The following SYTL2 variants were observed in gnomAD, a reference collection of about 807,000 sequenced individuals.
SYTL2 encodes the protein synaptotagmin-like protein 2.
In SYTL2, 165 loss-of-function variants were observed where a neutral mutation model predicts 198.7. The ratio of observed to expected loss-of-function variants is 0.83; its 90% CI spans 0.73 to 0.94. SYTL2 has a LOEUF of 0.94. Ranked by LOEUF, SYTL2 falls within the 40% of genes least tolerant of loss-of-function variation. The probability of loss-of-function intolerance (pLI) is 0.00; values close to 1 mark genes in which losing one functional copy is unlikely to be tolerated. For missense variants in SYTL2, 2,835 were observed against 2,582.8 expected, an observed-to-expected ratio of 1.10 and a Z score of -2.12; for synonymous variants, 966 against 917.7, an observed-to-expected ratio of 1.05 and a Z score of -0.95.
intron 2 of SYTL2, among the ~76,000 whole-genome samples, chr11:85,749,607 C>T (rs1009577751): frequency 7.2e-5 from 11 of 152,200 alleles, no homozygotes; most frequent in Non-Finnish European, 5.9e-5. Context: ...CTTACAGGAA[C>T]TTCCTCTCTT....
the SYTL2 span, among the ~76,000 whole-genome samples, chr11:85,832,288 A>G: frequency 6.6e-6 from 1 of 152,244 alleles, no homozygotes; most frequent in Non-Finnish European, 1.5e-5. Flanking sequence ...TATTTTATAA[A>G]TGAACAAGAC....
Position 85,788,648 on chromosome 11 carries a change from T to C in SYTL2, c.-390+22306A>G, listed in dbSNP as rs148522306. Among the ~76,000 whole-genome samples, 1,089 of 152,216 alleles carry C rather than the reference T, an allele frequency of 7.2e-3. 42 individuals are homozygous for C. The highest frequency in any genetic ancestry group is 0.064 in the Admixed American group (972 of 15,284). ...TTCTAAGGCATCCATTACATCATAG[T>C]AAAATAGCTAACATTCCTTTTCCCT... On this transcript the variant is annotated intron_variant, in intron 1 of 19. Transcript: ENST00000359152.
the SYTL2 span, among the ~76,000 whole-genome samples, chr11:85,816,463 T>A: frequency 6.6e-6 from 1 of 152,192 alleles, no homozygotes. Flanking sequence ...AGAATAGTTG[T>A]TACCAGGGGC....
intron 7 of SYTL2, among the ~76,000 whole-genome samples, chr11:85,728,690 C>T (rs756464430): frequency 5.3e-5 from 8 of 152,170 alleles, no homozygotes; most frequent in Admixed American, 2.0e-4. Flanking sequence ...CACCCATCCC[C>T]TGGCACATAT....
At chr11:85,713,883 T>C (rs958072826) in intron 12 of SYTL2, among the ~76,000 whole-genome samples, 2 of 152,172 alleles carry the variant, frequency 1.3e-5, no homozygotes, top group Admixed American at 1.3e-4. Context: ...TGAGTGAGGT[T>C]AATCTCCCTT....
upstream of SYTL2, among the ~76,000 whole-genome samples, chr11:85,812,864 G>C (rs150414030): frequency 4.6e-5 from 7 of 152,290 alleles, no homozygotes; most frequent in African/African-American, 1.4e-4. Flanking sequence ...ATGATTTTAG[G>C]CAGGGGAGTA....
the SYTL2 span, among the ~76,000 whole-genome samples, chr11:85,831,665 T>C: frequency 3.9e-5 from 6 of 152,336 alleles, no homozygotes; most frequent in East Asian, 3.9e-4. Context: ...GTTGTGGTGA[T>C]AGTATTGTAG....
At chr11:85,849,511 C>T in the SYTL2 span, among the ~76,000 whole-genome samples, 2 of 152,356 alleles carry the variant, frequency 1.3e-5, no homozygotes, top group East Asian at 1.9e-4. Context: ...CTACATACGG[C>T]TAGCCAGTTT....
At chr11:85,750,966 A>T (rs2091475780) in intron 2 of SYTL2, among the ~76,000 whole-genome samples, 1 of 152,182 alleles carries the variant, frequency 6.6e-6, no homozygotes, top group Non-Finnish European at 1.5e-5. Context: ...ACTAAAATGC[A>T]CTTTGTGGGG....
At chr11:85,710,907 A>G (rs908909895) in intron 13 of SYTL2, among the ~76,000 whole-genome samples, 2 of 152,168 alleles carry the variant, frequency 1.3e-5, no homozygotes, top group African/African-American at 4.8e-5. Context: ...AAAAAACCCC[A>G]CAAAGATTTG....
intron 3 of SYTL2, among the ~76,000 whole-genome samples, chr11:85,748,031 C>T (rs1268456301): frequency 6.6e-6 from 1 of 152,276 alleles, no homozygotes; most frequent in Non-Finnish European, 1.5e-5. Context: ...ATCTATGCTA[C>T]TATAATTCAA....
chr11:85,724,604 A>C lies in SYTL2; in HGVS notation c.4754T>G (p.Val1585Gly). The C allele has an allele frequency of 1.2e-6, 2 of 1,613,308 alleles. No homozygotes were observed. Among genetic ancestry groups the C allele is most frequent in the Non-Finnish European group, 1.7e-6 (2 of 1,179,794 alleles). The change falls in exon 8 of 20, where the codon GTG becomes GGG. Residue 1585 changes from valine to glycine, a missense_variant. Val to Gly is a moderately radical substitution (Grantham distance 109). Transcript: ENST00000359152. The part of the protein sequence containing the change: ...ITEAPPYQPQ[V>G]SVREETHEKE... ...CTCGTGAGTTTCTTCTCTCACTGAC[A>C]CCTGGGGCTGATAAGGAGGAGCTTC...
At chr11:85,833,087 GAAA>G in the SYTL2 span, among the ~76,000 whole-genome samples, 33 of 49,594 alleles carry the variant, frequency 6.7e-4, 2 homozygotes, top group Non-Finnish European at 8.0e-4. Context: ...AAGAAAGAAA[GAAA>G]GAAAGAAAGA....
intron 16 of SYTL2, among the ~76,000 whole-genome samples, chr11:85,704,233 C>T (rs1383435586): frequency 6.6e-6 from 1 of 151,746 alleles, no homozygotes; most frequent in African/African-American, 2.4e-5. Flanking sequence ...GCTAATAGAG[C>T]TATATAAATA....
At position 85,725,170 on chromosome 11, in the gene SYTL2, C is replaced by A. The variant is rs759590956; in HGVS notation, c.4188G>T (p.Val1396=). 15 of 1,613,928 alleles carry A rather than the reference C, an allele frequency of 9.3e-6. No individual in the cohort carries two copies. The highest frequency in any genetic ancestry group is 1.2e-5 in the Non-Finnish European group (14 of 1,179,970). ...PAGREVGPGE[V]NPEFPEAVQP... The stretch of plus-strand genomic sequence containing the variant: ...GTACTGCTTCAGGAAATTCTGGGTT[C>A]ACTTCTCCAGGACCTACTTCCCTTC... The change falls in exon 8 of 20, where the codon GTG becomes GTT. Residue 1396 remains valine (V), a synonymous_variant. Transcript: ENST00000359152.
In SYTL2 at chr11:85,759,087, A is replaced by G. The variant is rs183394843; in HGVS notation, c.-389-973T>C. Among the ~76,000 whole-genome samples, 627 of 152,188 alleles carry G rather than the reference A, an allele frequency of 4.1e-3. 7 individuals are homozygous for G. The highest frequency in any genetic ancestry group is 0.013 in the African/African-American group (549 of 41,530). ...TGGTGAAACCCCGTCTCTACTAAAA[A>G]ATACAAAAATTAGCTGGGTGTGGTG... On this transcript the variant is annotated intron_variant, in intron 1 of 19. Transcript: ENST00000359152.
In SYTL2 at chr11:85,709,359, C is replaced by A; in HGVS notation, c.5887G>T (p.Ala1963Ser). ...FVAQCKDLAA[A>S]DVKKQRSDPY... ...TCTGAACGCTGTTTTTTTACATCCG[C>A]TGCTGCTAAGTCCTTACACTGGGCC... The change falls in exon 14 of 20, where the codon GCG (alanine) becomes TCG (serine). Residue 1963 changes from alanine to serine, a missense_variant. This residue lies in a region of SYTL2 where 2,645 missense variants were observed against 2,381.7 expected (regional missense o/e 1.11). Coordinates refer to ENST00000359152, the MANE Select transcript of SYTL2 (RefSeq NM_206927.4). The A allele has an allele frequency of 2.5e-6, 4 of 1,614,134 alleles. No homozygotes were observed. The highest frequency in any genetic ancestry group is 3.4e-6 in the Non-Finnish European group (4 of 1,180,020).
chr11:85,853,529 G>A, the SYTL2 span: 1 of 226,544 alleles, frequency 4.4e-6, no homozygotes. Flanking sequence ...ACTGCGGAAG[G>A]CCACAGGGTC....
intron 1 of SYTL2, among the ~76,000 whole-genome samples, chr11:85,767,867 C>T (rs2092275654): frequency 6.6e-6 from 1 of 152,152 alleles, no homozygotes; most frequent in Non-Finnish European, 1.5e-5. Flanking sequence ...CCGGTTCTCT[C>T]CCACTTCTAG....
Sources: gnomAD v4.1 joint callset for allele counts (sites outside exome capture counted in the v4.1 genomes callset) on GRCh38, gnomAD v4.1.1 for gene constraint, gnomAD v4.1.1 regional missense constraint, MANE v1.5 for transcripts, NCBI Gene and HGNC (gene_info 2026-07-23, HGNC 2026-07-21) for gene names.